DAB1: variants seen among roughly 807,000 people sequenced by gnomAD.
DAB1 encodes DAB adaptor protein 1, also known as disabled homolog 1.
Under a neutral mutation model 64.6 loss-of-function variants are expected in DAB1, and 15 were observed. The ratio of observed to expected loss-of-function variants is 0.23; its 90% CI spans 0.16 to 0.36. DAB1 has a LOEUF of 0.36. DAB1 is among the 10% of genes least tolerant of loss of function. The pLI, the probability that DAB1 is intolerant of heterozygous loss-of-function variation, is 1.00. For missense variants in DAB1, 596 were observed against 706.7 expected, an observed-to-expected ratio of 0.84 and a Z score of 1.78; for synonymous variants, 235 against 251.9, an observed-to-expected ratio of 0.93 and a Z score of 0.64.
chr1:57,450,313 G>T (rs879300209), intron 7 of DAB1, among the ~76,000 whole-genome samples: 5 of 152,134 alleles, frequency 3.3e-5, no homozygotes, highest in Admixed American at 2.6e-4. Context: ...TGAATTCAAG[G>T]AATCATGGTG....
At chr1:58,051,830 T>G (rs1647690747) in intron 5 of DAB1, among the ~76,000 whole-genome samples, 2 of 152,206 alleles carry the variant, frequency 1.3e-5, no homozygotes, top group African/African-American at 4.8e-5. Flanking sequence ...GTGTTTGTTG[T>G]CTGCATAAAT....
At chr1:58,015,138 T>C (rs1346367462) in intron 5 of DAB1, among the ~76,000 whole-genome samples, 1 of 152,202 alleles carries the variant, frequency 6.6e-6, no homozygotes, top group Non-Finnish European at 1.5e-5. Context: ...CTATGCCAAA[T>C]GGAGTCCATG....
At chr1:58,351,141 T>G (rs1644051409) in intron 3 of DAB1, among the ~76,000 whole-genome samples, 2 of 152,170 alleles carry the variant, frequency 1.3e-5, no homozygotes, top group African/African-American at 4.8e-5. Flanking sequence ...CTTTGAGCAG[T>G]GGTTTGTAGT....
At chr1:58,543,838 T>C (rs920950099) in intron 1 of DAB1, among the ~76,000 whole-genome samples, 8 of 152,330 alleles carry the variant, frequency 5.3e-5, no homozygotes, top group Non-Finnish European at 1.0e-4. Flanking sequence ...CAACAGACCT[T>C]TCTACAATGA....
chr1:57,150,934 T>A (rs1659607099), intron 2 of DAB1, among the ~76,000 whole-genome samples: 1 of 152,118 alleles, frequency 6.6e-6, no homozygotes. Flanking sequence ...GGAGGGAGGA[T>A]TGCTTGAGCC....
intron 9 of DAB1, among the ~76,000 whole-genome samples, chr1:57,055,707 G>C (rs1649680558): frequency 6.6e-6 from 1 of 152,186 alleles, no homozygotes; most frequent in African/African-American, 2.4e-5. Flanking sequence ...ATGATGAGCT[G>C]CTGACTGAGG....
chr1:57,862,631 A>G (rs1654105226), intron 1 of DAB1: 1 of 152,232 alleles, frequency 6.6e-6, no homozygotes, highest in Admixed American at 6.5e-5. Flanking sequence ...ATAACTCCTT[A>G]AAAATCTAAA....
intron 1 of DAB1, among the ~76,000 whole-genome samples, chr1:57,391,008 G>C (rs1304121038): frequency 6.6e-6 from 1 of 152,120 alleles, no homozygotes; most frequent in African/African-American, 2.4e-5. Flanking sequence ...CTTGCTCCCA[G>C]TGGCCATGCT....
At chr1:58,499,854 A>G (rs1350408885) in intron 3 of DAB1, among the ~76,000 whole-genome samples, 1 of 152,148 alleles carries the variant, frequency 6.6e-6, no homozygotes, top group African/African-American at 2.4e-5. Context: ...AGTAACAACT[A>G]AAGTATTTAT....
chr1:57,997,390 A>G (rs1205401458), intron 5 of DAB1, among the ~76,000 whole-genome samples: 1 of 152,072 alleles, frequency 6.6e-6, no homozygotes, highest in Admixed American at 6.5e-5. Flanking sequence ...TGAATCTCTC[A>G]AGTTGCCTGC....
intron 4 of DAB1, among the ~76,000 whole-genome samples, chr1:58,158,615 C>A (rs1366430056): frequency 1.3e-5 from 2 of 152,194 alleles, no homozygotes; most frequent in African/African-American, 4.8e-5. Context: ...GAAAAATCTA[C>A]TGCAGCTCGC....
chr1:57,254,700 A>C (rs1436705057), intron 2 of DAB1, among the ~76,000 whole-genome samples: 2 of 152,234 alleles, frequency 1.3e-5, no homozygotes, highest in Admixed American at 1.3e-4. Context: ...GTTGCTAAGC[A>C]ATGAATATTA....
chr1:57,057,855 G>T (rs145607977), intron 9 of DAB1, among the ~76,000 whole-genome samples: 11 of 152,032 alleles, frequency 7.2e-5, no homozygotes, highest in South Asian at 2.1e-4. Context: ...TGATCCGCCC[G>T]CCTTGGCCTC....
At chr1:58,315,380 A>C (rs1310903386) in intron 4 of DAB1, among the ~76,000 whole-genome samples, 1 of 152,146 alleles carries the variant, frequency 6.6e-6, no homozygotes, top group African/African-American at 2.4e-5. Context: ...CCATCACCCC[A>C]TGCTCCTTCC....
At chr1:57,378,815 A>C (rs1040342279) in intron 1 of DAB1, among the ~76,000 whole-genome samples, 2 of 152,188 alleles carry the variant, frequency 1.3e-5, no homozygotes, top group Non-Finnish European at 2.9e-5. Flanking sequence ...GGGGGTTAAG[A>C]ACATATGTTT....
chr1:57,674,706 A>G (rs1251052997), intron 6 of DAB1, among the ~76,000 whole-genome samples: 1 of 152,116 alleles, frequency 6.6e-6, no homozygotes, highest in African/African-American at 2.4e-5. Flanking sequence ...ACCAATATAA[A>G]TACTATTTCG....
chr1:58,253,590 G>T (rs555397018), intron 4 of DAB1, among the ~76,000 whole-genome samples: 1 of 152,338 alleles, frequency 6.6e-6, no homozygotes, highest in Admixed American at 6.5e-5. Flanking sequence ...AGTTTAGAGA[G>T]CACTTTATTT....
chr1:57,407,392 C>T (rs1410272617), intron 1 of DAB1, among the ~76,000 whole-genome samples: 1 of 152,170 alleles, frequency 6.6e-6, no homozygotes, highest in Non-Finnish European at 1.5e-5. Flanking sequence ...AGAGTTCTGC[C>T]ATCATTCAAC....
chr1:57,022,801 G>A (rs1646662579), intron 11 of DAB1, among the ~76,000 whole-genome samples: 1 of 152,226 alleles, frequency 6.6e-6, no homozygotes, highest in Non-Finnish European at 1.5e-5. Context: ...TCCCATGTAT[G>A]TCAAAAACAG....
Sources: gnomAD v4.1 joint callset for allele counts (sites outside exome capture counted in the v4.1 genomes callset) on GRCh38, gnomAD v4.1.1 for gene constraint, MANE v1.5 for transcripts, NCBI Gene and HGNC (gene_info 2026-07-23, HGNC 2026-07-21) for gene names.